Variants in ATP11A observed in about 807,000 individuals in gnomAD.
The protein encoded by ATP11A is ATPase phospholipid transporting 11A, also known as phospholipid-transporting ATPase IH.
Under a neutral mutation model 154.4 loss-of-function variants are expected in ATP11A, and 81 were observed. That is an observed-to-expected ratio of 0.52 (90% CI 0.44 to 0.63). The LOEUF is 0.63. ATP11A is among the 30% of genes least tolerant of loss of function. The pLI, the probability that ATP11A is intolerant of heterozygous loss-of-function variation, is 0.00. For missense variants in ATP11A, 1,316 were observed against 1,474.3 expected (o/e 0.89, Z 1.76); for synonymous variants, 623 against 585.9 (o/e 1.06, Z -0.91).
At chr13:112,783,496 G>T (rs937767663) in intron 1 of ATP11A, among the ~76,000 whole-genome samples, 3 of 152,218 alleles carry the variant, frequency 2.0e-5, no homozygotes, top group Non-Finnish European at 4.4e-5. Flanking sequence ...AACTGTCCCC[G>T]TGCCTGCGGC....
intron 4 of ATP11A, among the ~76,000 whole-genome samples, chr13:112,810,290 T>C (rs1485377839): frequency 2.0e-5 from 3 of 152,242 alleles, no homozygotes; most frequent in Admixed American, 6.5e-5. Flanking sequence ...AGACACTTCT[T>C]TTTTAGGAAT....
chr13:112,754,601 CT>C lies in ATP11A; in HGVS notation c.40-30532del. On this transcript the variant is annotated intron_variant, in intron 1 of 29. Transcript: ENST00000375645. This position sits in a 1 kb window ranked among gnomAD's most constrained non-coding sequence, Gnocchi z 5.3. ...GAGAGGCAGAACTTTCTCAGGCCAC[CT>C]TCAGGGCCTCCTGGAGAGGTTGAGC... 6.5e-6 allele frequency: 1 copy of C among 154,418 alleles called. No individual in the cohort carries two copies. Among genetic ancestry groups the C allele is most frequent in the Non-Finnish European group, 1.4e-5 (1 of 69,242 alleles). 9.6% of individuals were successfully genotyped at this position (154,418 alleles called of 1,614,324 possible).
intron 1 of ATP11A, among the ~76,000 whole-genome samples, chr13:112,764,822 T>C (rs1437649451): frequency 6.6e-6 from 1 of 152,192 alleles, no homozygotes; most frequent in African/African-American, 2.4e-5. Flanking sequence ...TTATGGAATG[T>C]CCACAGCCTG....
chr13:112,815,669 C>T (rs1363777984), intron 5 of ATP11A, among the ~76,000 whole-genome samples: 1 of 152,196 alleles, frequency 6.6e-6, no homozygotes, highest in African/African-American at 2.4e-5. Context: ...CTTTATTTGT[C>T]CTCATGCTTT....
chr13:112,721,591 C>T (rs944369045), intron 1 of ATP11A, among the ~76,000 whole-genome samples: 2 of 152,056 alleles, frequency 1.3e-5, no homozygotes, highest in African/African-American at 2.4e-5. Flanking sequence ...GAACGAGGAA[C>T]GTGGAAGCCA....
chr13:112,853,250 A>C (rs34819181), intron 18 of ATP11A, among the ~76,000 whole-genome samples: 58,845 of 151,248 alleles, frequency 0.39, 13,115 homozygotes, highest in African/African-American at 0.62. Context: ...CTCTCTCTAT[A>C]TATATATATA....
chr13:112,720,381 G>A (rs1340895991), intron 1 of ATP11A, among the ~76,000 whole-genome samples: 1 of 152,234 alleles, frequency 6.6e-6, no homozygotes, highest in Non-Finnish European at 1.5e-5. Context: ...GGAGCCAGTG[G>A]AAGGGAGTGT....
chr13:112,731,078 G>A (rs1890433234), intron 1 of ATP11A, among the ~76,000 whole-genome samples: 2 of 152,122 alleles, frequency 1.3e-5, no homozygotes, highest in African/African-American at 4.8e-5. Flanking sequence ...TGGGATTACA[G>A]GTGCCCACAC....
At chr13:112,870,457 C>T (rs1327816858) in intron 25 of ATP11A, among the ~76,000 whole-genome samples, 3 of 152,208 alleles carry the variant, frequency 2.0e-5, no homozygotes, top group African/African-American at 7.2e-5. Context: ...CTGCTCACTG[C>T]AACCTCCGCC....
chr13:112,812,506 C>T (rs2078529801), intron 5 of ATP11A, among the ~76,000 whole-genome samples: 1 of 152,182 alleles, frequency 6.6e-6, no homozygotes. Context: ...GGAGGGAGGG[C>T]CTCCAAGCAG....
At chr13:112,784,367 G>A (rs1196880818) in intron 1 of ATP11A, among the ~76,000 whole-genome samples, 1 of 152,134 alleles carries the variant, frequency 6.6e-6, no homozygotes, top group Non-Finnish European at 1.5e-5. Context: ...GTTTTCACCA[G>A]TCCTCAATCT....
intron 1 of ATP11A, among the ~76,000 whole-genome samples, chr13:112,718,836 A>G (rs1888814946): frequency 6.6e-6 from 1 of 151,854 alleles, no homozygotes; most frequent in Non-Finnish European, 1.5e-5. Context: ...ACTCCCAGCT[A>G]ATTTTTTTTT....
At chr13:112,733,297 C>T (rs886744681) in intron 1 of ATP11A, among the ~76,000 whole-genome samples, 1 of 152,136 alleles carries the variant, frequency 6.6e-6, no homozygotes, top group Non-Finnish European at 1.5e-5. Flanking sequence ...AGGATTCAGG[C>T]GCACTGAGCA....
chr13:112,721,603 GAGTGAGGA>G (rs1044078745), intron 1 of ATP11A, among the ~76,000 whole-genome samples: 13 of 152,158 alleles, frequency 8.5e-5, no homozygotes, highest in Non-Finnish European at 1.8e-4. Flanking sequence ...TGGAAGCCAG[GAGTGAGGA>G]AGTGGGAGGG....
intron 29 of ATP11A, among the ~76,000 whole-genome samples, chr13:112,879,093 C>G (rs1159673894): frequency 6.6e-6 from 1 of 152,238 alleles, no homozygotes; most frequent in Non-Finnish European, 1.5e-5. Context: ...GTCCTGAAGT[C>G]GCGTTCTGTC....
chr13:112,864,848 C>T (rs1347087842), intron 25 of ATP11A, among the ~76,000 whole-genome samples: 5 of 79,738 alleles, frequency 6.3e-5, no homozygotes, highest in Admixed American at 3.1e-4. Context: ...AGCTTCCCAG[C>T]GGGATCCATC....
chr13:112,748,872 G>A (rs544844391), intron 1 of ATP11A, among the ~76,000 whole-genome samples: 1 of 152,324 alleles, frequency 6.6e-6, no homozygotes, highest in African/African-American at 2.4e-5. Context: ...TACTGGAGGA[G>A]CTTCGAGGTC....
At position 112,854,472 on chromosome 13, in the gene ATP11A, G is replaced by C. The variant is rs144709595; in HGVS notation, c.2185G>C (p.Glu729Gln). The C allele has an allele frequency of 6.2e-7, 1 of 1,612,570 alleles. No homozygotes were observed. Among genetic ancestry groups the C allele is most frequent in the Non-Finnish European group, 8.5e-7 (1 of 1,180,024 alleles). ...GCAGAGCCTGCACGACGTCCTGTTC[G>C]AGCTGAGCAAGACGGTCCTGCGCCA... Reference protein sequence around the residue: ...EEQSLHDVLFELSKTVLRHSG... With the variant: ...EEQSLHDVLFQLSKTVLRHSG... The change falls in exon 19 of 30, where the codon GAG becomes CAG. Residue 729 changes from glutamate (E) to glutamine (Q), a missense_variant. Coordinates refer to ENST00000375645, the MANE Select transcript of ATP11A (RefSeq NM_015205.3).
rs1885887489 is a variant in ATP11A at position 112,696,874 on chromosome 13, CCCCT to C, written c.39+6420_39+6423del. On this transcript the variant is annotated intron_variant, in intron 1 of 29. Coordinates refer to ENST00000375645, the MANE Select transcript of ATP11A (RefSeq NM_015205.3). The surrounding 1 kb of genome is among the most constrained non-coding windows in gnomAD (Gnocchi z 6.2). The stretch of plus-strand genomic sequence containing the variant: ...GACCCAAGTCCCATCCCTCTGGGGC[CCCCT>C]TGGAATGGGGGAGGCGAACAGGAAA... 1.3e-5 allele frequency: 2 copies of C among 152,372 alleles called. No individual in the cohort carries two copies. The highest frequency in any genetic ancestry group is 2.9e-5 in the Non-Finnish European group (2 of 68,196). The allele number at this position is 152,372 out of a possible 1,614,324, so 9.4% of individuals were successfully genotyped here.
Sources: allele counts gnomAD v4.1 joint callset (sites outside exome capture counted in the v4.1 genomes callset), GRCh38; gene constraint gnomAD v4.1.1; non-coding constraint Gnocchi (gnomAD v3.1); transcripts MANE v1.5; gene names NCBI Gene and HGNC (gene_info 2026-07-23, HGNC 2026-07-21).